OR5V1: variants seen among roughly 807,000 people sequenced by gnomAD.
OR5V1 encodes the protein olfactory receptor family 5 subfamily V member 1.
For synonymous variants in OR5V1, 134 were observed against 143.2 expected, an observed-to-expected ratio of 0.94 and a Z score of 0.46; for missense variants, 365 against 371.5, an observed-to-expected ratio of 0.98 and a Z score of 0.14.
chr6:29,356,693 T>C (rs1202995776), intron 1 of OR5V1, among the ~76,000 whole-genome samples: 2 of 152,226 alleles, frequency 1.3e-5, no homozygotes, highest in African/African-American at 4.8e-5. Flanking sequence ...GTATTTGTTT[T>C]AGAATATTTG....
rs761208681 is a variant in OR5V1 at position 29,355,502 on chromosome 6, C to T, written c.694G>A (p.Glu232Lys). 6.2e-7 allele frequency: 1 copy of T among 1,613,956 alleles called. No individual in the cohort carries two copies. The part of the protein sequence containing the change: ...ISTILRIQSS[E>K]GRRKAFSTCA... ...GTAGAGAAGGCTTTTCGTCTTCCCT[C>T]TGAGGACTGGATCCTCAAGATGGTG... Residue 232 changes from glutamate (E) to lysine (K), a missense_variant, in exon 2 of 2, where the codon GAG becomes AAG. Transcript: ENST00000641768.
At chr6:29,368,537 A>G (rs919699463) in intron 1 of OR5V1, 95 bp downstream of exon 1, 3 of 152,078 alleles carry the variant, frequency 2.0e-5, no homozygotes, top group African/African-American at 7.2e-5. Flanking sequence ...CATCTCCTAC[A>G]CAGTTAGTCT....
At chr6:29,357,300 C>A in intron 1 of OR5V1, among the ~76,000 whole-genome samples, 1 of 152,060 alleles carries the variant, frequency 6.6e-6, no homozygotes, top group East Asian at 1.9e-4. Flanking sequence ...TTTATCATTC[C>A]CATTCTCTGG....
Position 29,355,923 on chromosome 6 carries a change from G to C in OR5V1, c.273C>G (p.Ser91Arg), listed in dbSNP as rs750523109. 1.2e-6 allele frequency: 2 copies of C among 1,613,984 alleles called. No homozygotes were observed. Among genetic ancestry groups the C allele is most frequent in the South Asian group, 2.2e-5 (2 of 91,076 alleles). Residue 91 changes from serine to arginine, a missense_variant, in exon 2 of 2, where the codon AGC becomes AGG. Coordinates refer to ENST00000641768, the MANE Select transcript of OR5V1 (RefSeq NM_030876.6). ...GAACCACACACCCCACATAAGAAAT[G>C]CTTTTTTTCTTTGAGAGGAGGTGCA... Reference protein sequence around the residue: ...MMVHLLSKKKSISYVGCVVQL... With the variant: ...MMVHLLSKKKRISYVGCVVQL...
chr6:29,356,030 G>A lies in OR5V1; in HGVS notation c.166C>T (p.His56Tyr), dbSNP rs769000239. 3 of 1,614,044 alleles carry A rather than the reference G, an allele frequency of 1.9e-6. No homozygotes were observed. Among genetic ancestry groups the A allele is most frequent in the South Asian group, 2.2e-5 (2 of 91,078 alleles). The change falls in exon 2 of 2, where the codon CAT becomes TAT. Residue 56 changes from histidine (H) to tyrosine (Y), a missense_variant. His to Tyr is a moderately conservative substitution (Grantham distance 83). Coordinates refer to ENST00000641768, the MANE Select transcript of OR5V1 (RefSeq NM_030876.6). ...ILTTVTDPHL[H>Y]TPMYYFLGNL... ...CCTAGAAAATAATACATAGGTGTAT[G>A]CAGGTGTGGATCAGTCACAGTCGTC... is the stretch of plus-strand genomic sequence containing the variant.
chr6:29,363,829 A>G (rs1778706736), intron 1 of OR5V1, among the ~76,000 whole-genome samples: 2 of 152,220 alleles, frequency 1.3e-5, no homozygotes. Flanking sequence ...ACAAACCCAT[A>G]GCCAATATCA....
At chr6:29,359,787 A>G (rs1165369426) in intron 1 of OR5V1, among the ~76,000 whole-genome samples, 1 of 152,178 alleles carries the variant, frequency 6.6e-6, no homozygotes, top group African/African-American at 2.4e-5. Context: ...TCCGCAGACC[A>G]GGAGATTCTC....
intron 1 of OR5V1, among the ~76,000 whole-genome samples, chr6:29,357,580 C>T (rs1364741548): frequency 6.6e-6 from 1 of 152,080 alleles, no homozygotes; most frequent in African/African-American, 2.4e-5. Context: ...ATGTGCTATG[C>T]CTGCAGTGTT....
Position 29,355,717 on chromosome 6 carries a change from G to C in OR5V1, c.479C>G (p.Thr160Arg), listed in dbSNP as rs1481114453. 2.5e-6 allele frequency: 4 copies of C among 1,613,886 alleles called. No individual in the cohort carries two copies. The highest frequency in any genetic ancestry group is 3.4e-6 in the Non-Finnish European group (4 of 1,179,954). Residue 160 changes from threonine (T) to arginine (R), a missense_variant, in exon 2 of 2, where the codon ACA becomes AGA. By Grantham distance (71) the Thr-to-Arg change is moderately conservative. Coordinates refer to ENST00000641768, the MANE Select transcript of OR5V1 (RefSeq NM_030876.6). Reference protein sequence around the residue: ...AAGFLNSVVHTVLTFCLPFCG... With the variant: ...AAGFLNSVVHRVLTFCLPFCG... ...GAAGGGCAGGCAGAATGTCAACACT[G>C]TATGCACCACTGAGTTAAGGAAACC...
intron 1 of OR5V1, among the ~76,000 whole-genome samples, chr6:29,367,717 G>T (rs1778919841): frequency 6.6e-6 from 1 of 152,120 alleles, no homozygotes; most frequent in Non-Finnish European, 1.5e-5. Flanking sequence ...ACATCCTGCA[G>T]CTGGTACTCA....
At chr6:29,359,890 A>C (rs951291634) in intron 1 of OR5V1, among the ~76,000 whole-genome samples, 1 of 152,062 alleles carries the variant, frequency 6.6e-6, no homozygotes, top group African/African-American at 2.4e-5. Context: ...AGTTTTTTTC[A>C]TACCCCAGTG....
In OR5V1 at chr6:29,355,733, T is replaced by C; in HGVS notation, c.463A>G (p.Asn155Asp). ...GTCAACACTGTATGCACCACTGAGT[T>C]AAGGAAACCAGCAGCCCAGCATGAG... ...AASCWAAGFL[N>D]SVVHTVLTFC... The change falls in exon 2 of 2, where the codon AAC becomes GAC. Residue 155 changes from asparagine to aspartate, a missense_variant. Transcript: ENST00000641768. 6.2e-7 allele frequency: 1 copy of C among 1,614,026 alleles called. No individual in the cohort carries two copies. Among genetic ancestry groups the C allele is most frequent in the South Asian group, 1.1e-5 (1 of 91,080 alleles).
intron 1 of OR5V1, among the ~76,000 whole-genome samples, chr6:29,361,945 A>G (rs9257783): frequency 0.15 from 2,759 of 18,142 alleles, 36 homozygotes; most frequent in East Asian, 0.49. Context: ...TTAATCTTAA[A>G]TGTAAATGGG....
chr6:29,360,054 G>T (rs1004364120), intron 1 of OR5V1, among the ~76,000 whole-genome samples: 1 of 152,168 alleles, frequency 6.6e-6, no homozygotes, highest in African/African-American at 2.4e-5. Context: ...GTCTGAAGTC[G>T]ACCCTGGATG....
chr6:29,360,584 G>A (rs560966940), intron 1 of OR5V1, among the ~76,000 whole-genome samples: 2 of 152,308 alleles, frequency 1.3e-5, no homozygotes, highest in South Asian at 4.1e-4. Flanking sequence ...GAAGAAGCAG[G>A]CAGTAATAGT....
rs1778138540 is a variant in OR5V1 at position 29,354,131 on chromosome 6, A to G, written c.*1099T>C. The G allele has an allele frequency of 6.6e-6, 1 of 152,178 alleles. No individual in the cohort carries two copies. The highest frequency in any genetic ancestry group is 2.4e-5 in the African/African-American group (1 of 41,540). 9.4% of individuals were successfully genotyped at this position (152,178 alleles called of 1,614,324 possible). On this transcript the variant is annotated 3_prime_UTR_variant, in exon 2 of 2. Transcript: ENST00000641768. Reference sequence around the variant, plus strand: ...GGTCCTGAGAGAATAGTGAAGAAAGACACTAGACAACTTGTATCTACCTGA... The same window carrying G: ...GGTCCTGAGAGAATAGTGAAGAAAGGCACTAGACAACTTGTATCTACCTGA...
chr6:29,355,231 C>T lies in OR5V1; in HGVS notation c.965G>A (p.Ter322=), dbSNP rs771327227. Residue 322 remains the stop codon, a stop_retained_variant, in exon 2 of 2, where the codon TGA becomes TAA. Transcript: ENST00000641768. The part of the protein sequence containing the change: ...ISSLDSKLTY[*] ...ATAAGATTATTGAACCTGTGAGGTT[C>T]AATAAGTGAGTTTACTATCCAAAGA... 1 of 1,577,076 alleles carries T rather than the reference C, an allele frequency of 6.3e-7. No homozygotes were observed. The highest frequency in any genetic ancestry group is 8.6e-7 in the Non-Finnish European group (1 of 1,166,834).
chr6:29,360,178 C>T lies in OR5V1; in HGVS notation c.-82-3901G>A, dbSNP rs373414078. Among the ~76,000 whole-genome samples the T allele has an allele frequency of 3.9e-5, 6 of 152,306 alleles. 1 individual carries two copies. The East Asian group carries it at 7.7e-4, about 20-fold the overall frequency. On this transcript the variant is annotated intron_variant, in intron 1 of 1. Coordinates refer to ENST00000641768, the MANE Select transcript of OR5V1 (RefSeq NM_030876.6). The stretch of plus-strand genomic sequence containing the variant: ...TTGGACTGGGTGGAACTCAACACAG[C>T]GTGGCAAAGTGGCTGTGGCCAGACT...
At position 29,354,537 on chromosome 6, in the gene OR5V1, A is replaced by C. The variant is rs533142853; in HGVS notation, c.*693T>G. On this transcript the variant is annotated 3_prime_UTR_variant, in exon 2 of 2. Transcript: ENST00000641768. ...TAGCGAAAAAAGTTTCCCAAATTTAAGATACTCTATAAAATAGTAATATGT... is the reference window on the plus strand; with the variant it reads ...TAGCGAAAAAAGTTTCCCAAATTTACGATACTCTATAAAATAGTAATATGT... 6 of 152,184 alleles carry C rather than the reference A, an allele frequency of 3.9e-5. No homozygotes were observed. The East Asian group carries it at 1.2e-3, about 29-fold the overall frequency. 9.4% of individuals were successfully genotyped at this position (152,184 alleles called of 1,614,324 possible). A position where few individuals can be genotyped will look rare whatever the true frequency, so the allele number is the denominator to read the frequency against.
Sources: allele counts gnomAD v4.1 joint callset (sites outside exome capture counted in the v4.1 genomes callset), GRCh38; gene constraint gnomAD v4.1.1; transcripts MANE v1.5; gene names NCBI Gene and HGNC (gene_info 2026-07-23, HGNC 2026-07-21).